Variants in ARID2 observed in about 807,000 individuals in gnomAD.
ARID2 encodes AT-rich interactive domain-containing protein 2.
ARID2 carries 32 observed loss-of-function variants against 184.6 expected under a neutral mutation model. That is an observed-to-expected ratio of 0.17 (90% CI 0.13 to 0.23). The LOEUF (loss-of-function observed/expected upper bound fraction) is 0.23, where lower values mean the gene tolerates loss of function less well. Ranked by LOEUF, ARID2 falls within the 10% of genes least tolerant of loss-of-function variation. ARID2 has a pLI of 1.00. For missense variants in ARID2, 1,696 were observed against 2,197.6 expected, an observed-to-expected ratio of 0.77 and a Z score of 4.56; for synonymous variants, 836 against 772.6, an observed-to-expected ratio of 1.08 and a Z score of -1.36.
intron 6 of ARID2, among the ~76,000 whole-genome samples, chr12:45,822,438 A>G (rs1035778569): frequency 6.6e-6 from 1 of 152,240 alleles, no homozygotes; most frequent in African/African-American, 2.4e-5. Flanking sequence ...AGGGAGGTTG[A>G]GGTGGGAGGA....
chr12:45,786,542 A>C (rs889142418), intron 3 of ARID2, among the ~76,000 whole-genome samples: 1 of 152,180 alleles, frequency 6.6e-6, no homozygotes, highest in Non-Finnish European at 1.5e-5. Context: ...CCTCTTTTGA[A>C]AGGGAGAAAT....
chr12:45,858,892 T>C (rs1236719551), intron 15 of ARID2, among the ~76,000 whole-genome samples: 1 of 152,222 alleles, frequency 6.6e-6, no homozygotes, highest in Non-Finnish European at 1.5e-5. Context: ...TGGGAACCTA[T>C]TATAGAAATG....
chr12:45,780,706 C>CAGAGAA (rs1942072699), intron 3 of ARID2, among the ~76,000 whole-genome samples: 1 of 152,038 alleles, frequency 6.6e-6, no homozygotes, highest in Non-Finnish European at 1.5e-5. Context: ...GCAACCTCTG[C>CAGAGAA]CTGCCGGGTT....
intron 20 of ARID2, among the ~76,000 whole-genome samples, chr12:45,896,383 A>T (rs1434807389): frequency 6.6e-6 from 1 of 152,126 alleles, no homozygotes; most frequent in African/African-American, 2.4e-5. Flanking sequence ...CCCCACCCAG[A>T]TCTCCTCTTG....
chr12:45,777,319 T>C (rs1421373210), intron 3 of ARID2, among the ~76,000 whole-genome samples: 1 of 152,152 alleles, frequency 6.6e-6, no homozygotes, highest in Non-Finnish European at 1.5e-5. Flanking sequence ...CTTATAATAG[T>C]ACTGTTAGTC....
chr12:45,889,097 A>G (rs775022810), intron 16 of ARID2, among the ~76,000 whole-genome samples: 2 of 152,136 alleles, frequency 1.3e-5, no homozygotes, highest in Non-Finnish European at 2.9e-5. Flanking sequence ...CAAAAGAAAC[A>G]CTTGAACTCA....
At chr12:45,739,944 T>A (rs1941217852) in intron 3 of ARID2, among the ~76,000 whole-genome samples, 1 of 152,186 alleles carries the variant, frequency 6.6e-6, no homozygotes, top group African/African-American at 2.4e-5. Context: ...GATCACACTT[T>A]CCATAATGGT....
At chr12:45,781,571 T>C (rs757210909) in intron 3 of ARID2, among the ~76,000 whole-genome samples, 3 of 151,346 alleles carry the variant, frequency 2.0e-5, no homozygotes, top group Admixed American at 1.3e-4. Flanking sequence ...ACCTCCACTT[T>C]TCTGTTATAA....
chr12:45,740,811 A>T (rs1432233713), intron 3 of ARID2, among the ~76,000 whole-genome samples: 1 of 152,096 alleles, frequency 6.6e-6, no homozygotes, highest in Non-Finnish European at 1.5e-5. Context: ...TACATTTTGA[A>T]CTATACAGGC....
At chr12:45,784,859 A>T (rs528908998) in intron 3 of ARID2, among the ~76,000 whole-genome samples, 1 of 152,212 alleles carries the variant, frequency 6.6e-6, no homozygotes, top group Non-Finnish European at 1.5e-5. Context: ...TTTACACACA[A>T]ATATTACTTA....
intron 6 of ARID2, among the ~76,000 whole-genome samples, chr12:45,823,072 C>T (rs1942928823): frequency 6.6e-6 from 1 of 151,714 alleles, no homozygotes; most frequent in Non-Finnish European, 1.5e-5. Context: ...TCGTATGCCA[C>T]AATACAATCT....
intron 3 of ARID2, among the ~76,000 whole-genome samples, chr12:45,747,950 C>T (rs1178379288): frequency 1.3e-5 from 2 of 152,086 alleles, no homozygotes; most frequent in Non-Finnish European, 2.9e-5. Flanking sequence ...TTCCAGACCA[C>T]CACATTAATA....
intron 3 of ARID2, among the ~76,000 whole-genome samples, chr12:45,810,093 A>G (rs1042817520): frequency 1.3e-5 from 2 of 152,212 alleles, no homozygotes; most frequent in Admixed American, 1.3e-4. Flanking sequence ...TCTGTAAAAT[A>G]ATCACATGTA....
Position 45,905,251 on chromosome 12 carries a change from T to C in ARID2, c.*173T>C, listed in dbSNP as rs1217065567. On this transcript the variant is annotated 3_prime_UTR_variant, in exon 21 of 21. Coordinates refer to ENST00000334344, the MANE Select transcript of ARID2 (RefSeq NM_152641.4). ...TCTGATCTCTGAGTGAATCCCTTTG[T>C]TCTCTGTTTAAAAAAATCTAAAAAG... 2 of 570,844 alleles carry C rather than the reference T, an allele frequency of 3.5e-6. No homozygotes were observed. The highest frequency in any genetic ancestry group is 5.4e-6 in the Non-Finnish European group (2 of 367,514). 35.4% of individuals were successfully genotyped at this position (570,844 alleles called of 1,614,324 possible). A position where few individuals can be genotyped will look rare whatever the true frequency, so the allele number is the denominator to read the frequency against.
At chr12:45,865,282 C>T (rs1353279864) in intron 16 of ARID2, among the ~76,000 whole-genome samples, 4 of 152,076 alleles carry the variant, frequency 2.6e-5, no homozygotes, top group African/African-American at 9.7e-5. Context: ...TCCCATTTCT[C>T]AATATTGTTA....
chr12:45,729,883 G>A lies in ARID2; in HGVS notation c.47G>A (p.Gly16Glu). Residue 16 changes from glycine to glutamate, a missense_variant, in exon 1 of 21, where the codon GGA becomes GAA. By Grantham distance (98) the Gly-to-Glu change is moderately conservative. Coordinates refer to ENST00000334344, the MANE Select transcript of ARID2 (RefSeq NM_152641.4). ...GKAPPDERRKGLAFLDELRQF... is the reference protein window; with the variant it reads ...GKAPPDERRKELAFLDELRQF... ...GCGCCTCCGGACGAGCGGAGAAAGG[G>A]ACTCGCTTTCCTGGACGAGCTGCGG... 1 of 1,611,696 alleles carries A rather than the reference G, an allele frequency of 6.2e-7. No individual in the cohort carries two copies. The highest frequency in any genetic ancestry group is 8.5e-7 in the Non-Finnish European group (1 of 1,179,168).
At chr12:45,899,552 A>G (rs769587626) in intron 20 of ARID2, among the ~76,000 whole-genome samples, 141 of 149,104 alleles carry the variant, frequency 9.5e-4, no homozygotes, top group Non-Finnish European at 1.3e-3. Context: ...CTTGCAGTGA[A>G]CCGAGATCCC....
chr12:45,849,447 C>G, intron 13 of ARID2, 133 bp from the exon 14 acceptor site: 1 of 558,760 alleles, frequency 1.8e-6, no homozygotes, highest in Non-Finnish European at 3.0e-6. Context: ...TCCATCCTTG[C>G]AGAATATAAC....
intron 3 of ARID2, among the ~76,000 whole-genome samples, chr12:45,800,522 G>T (rs3990018): frequency 7.3e-5 from 2 of 27,326 alleles, no homozygotes; most frequent in Non-Finnish European, 1.2e-4. Context: ...ATTTATAAAC[G>T]TGTGCATGCA....
Sources: allele counts gnomAD v4.1 joint callset (sites outside exome capture counted in the v4.1 genomes callset), GRCh38; gene constraint gnomAD v4.1.1; transcripts MANE v1.5; gene names NCBI Gene and HGNC (gene_info 2026-07-23, HGNC 2026-07-21).